PDE1C: variants seen among roughly 807,000 people sequenced by gnomAD.
The protein encoded by PDE1C is dual specificity calcium/calmodulin-dependent 3',5'-cyclic nucleotide phosphodiesterase 1C.
A neutral mutation model predicts 93.1 loss-of-function variants in PDE1C; 62 were observed. The observed-to-expected ratio is 0.67, with a 90% CI of 0.54 to 0.82. The LOEUF (loss-of-function observed/expected upper bound fraction) is 0.82. PDE1C is among the 40% of genes least tolerant of loss of function. The pLI, the probability that PDE1C is intolerant of heterozygous loss-of-function variation, is 0.00. For synonymous variants in PDE1C, 325 were observed against 310.1 expected, an observed-to-expected ratio of 1.05 and a Z score of -0.50; for missense variants, 742 against 884.6, an observed-to-expected ratio of 0.84 and a Z score of 2.04.
chr7:32,202,328 C>G (rs1419301064), intron 2 of PDE1C, among the ~76,000 whole-genome samples: 2 of 152,274 alleles, frequency 1.3e-5, no homozygotes, highest in South Asian at 4.1e-4. Flanking sequence ...CTGCCCCTTA[C>G]CCCCATACAC....
At chr7:31,735,385 T>G in the PDE1C span, among the ~76,000 whole-genome samples, 3 of 144,704 alleles carry the variant, frequency 2.1e-5, no homozygotes, top group South Asian at 2.2e-4. Context: ...GCAACAAGAG[T>G]GAAACTCTGT....
At chr7:31,813,771 G>A (rs915415357) in intron 15 of PDE1C, among the ~76,000 whole-genome samples, 4 of 151,882 alleles carry the variant, frequency 2.6e-5, no homozygotes, top group Non-Finnish European at 5.9e-5. Context: ...AGCGGTATAC[G>A]CTGAACCCAA....
At chr7:32,278,027 C>T (rs1811393134) in intron 1 of PDE1C, among the ~76,000 whole-genome samples, 1 of 146,724 alleles carries the variant, frequency 6.8e-6, no homozygotes, top group Non-Finnish European at 1.5e-5. Flanking sequence ...GGGAGCAGTG[C>T]ATACCAATAT....
the PDE1C span, among the ~76,000 whole-genome samples, chr7:31,654,964 G>T: frequency 6.6e-6 from 1 of 152,014 alleles, no homozygotes; most frequent in Non-Finnish European, 1.5e-5. Context: ...TTTTCCCATG[G>T]ACTTAACATT....
intron 1 of PDE1C, among the ~76,000 whole-genome samples, chr7:32,297,175 G>A (rs1272823891): frequency 6.6e-6 from 1 of 152,092 alleles, no homozygotes; most frequent in Non-Finnish European, 1.5e-5. Context: ...TTTGGAGAAG[G>A]GCAAGTGTTC....
chr7:31,712,200 A>C, the PDE1C span, among the ~76,000 whole-genome samples: 92 of 152,344 alleles, frequency 6.0e-4, 1 homozygote, highest in Middle Eastern at 0.01. Flanking sequence ...CAGGGATATC[A>C]ACTGGTTTTG....
chr7:32,265,242 C>A (rs1387701741), intron 1 of PDE1C, among the ~76,000 whole-genome samples: 1 of 152,146 alleles, frequency 6.6e-6, no homozygotes, highest in Non-Finnish European at 1.5e-5. Flanking sequence ...AGTGCACATA[C>A]AATCTCTCTC....
intron 10 of PDE1C, 133 bp downstream of exon 10, chr7:31,837,737 C>T: frequency 1.6e-6 from 1 of 615,190 alleles, no homozygotes. Flanking sequence ...CTTTCTCCTT[C>T]AAACATAATC....
chr7:32,074,268 G>C (rs1399736170), upstream of PDE1C, among the ~76,000 whole-genome samples: 1 of 152,026 alleles, frequency 6.6e-6, no homozygotes, highest in Non-Finnish European at 1.5e-5. Context: ...TGACCCCCCT[G>C]GTCTCTTTCA....
At chr7:31,809,953 C>T (rs187244034) in intron 15 of PDE1C, among the ~76,000 whole-genome samples, 57 of 152,196 alleles carry the variant, frequency 3.7e-4, no homozygotes, top group Non-Finnish European at 6.5e-4. Flanking sequence ...TGCCCACCAT[C>T]GATTATGGCA....
At chr7:31,947,268 A>T (rs1806745843) in intron 2 of PDE1C, among the ~76,000 whole-genome samples, 1 of 152,180 alleles carries the variant, frequency 6.6e-6, no homozygotes, top group Non-Finnish European at 1.5e-5. Context: ...TAGCTTGGAG[A>T]GTAATCCACT....
At chr7:32,148,618 T>C (rs983250875) in intron 3 of PDE1C, among the ~76,000 whole-genome samples, 2 of 152,182 alleles carry the variant, frequency 1.3e-5, no homozygotes, top group Non-Finnish European at 2.9e-5. Context: ...TTCAGTCCCT[T>C]TGTGACACTG....
chr7:31,707,344 G>GA, the PDE1C span: 618 of 1,386,348 alleles, frequency 4.5e-4, 1 homozygote, highest in Admixed American at 2.4e-4. Context: ...GTGACCTAGA[G>GA]AAAAAATAGA....
the PDE1C span, among the ~76,000 whole-genome samples, chr7:31,657,660 G>A: frequency 7.5e-4 from 114 of 151,976 alleles, no homozygotes; most frequent in African/African-American, 2.5e-3. Context: ...CCATTATCAA[G>A]TCCCAAGATC....
chr7:31,816,229 T>C, intron 14 of PDE1C, 75 bp from the exon 15 acceptor site: 1 of 1,351,150 alleles, frequency 7.4e-7, no homozygotes. Flanking sequence ...TGGCCTGTTT[T>C]AGTACACAAA....
In PDE1C at chr7:31,873,891, G is replaced by A. The variant is rs542449435; in HGVS notation, c.493-483C>T. On this transcript the variant is annotated intron_variant, in intron 5 of 17. Transcript: ENST00000396191. ...TACTGTTTAATTCACTACAGCCTAC[G>A]ATGCTTCTCTTCTCTGAACTTCTCT... Among the ~76,000 whole-genome samples, 396 of 152,264 alleles carry A rather than the reference G, an allele frequency of 2.6e-3. 4 individuals are homozygous for A. Among genetic ancestry groups the A allele is most frequent in the African/African-American group, 9.1e-3 (380 of 41,542 alleles).
chr7:31,619,261 T>G, the PDE1C span, among the ~76,000 whole-genome samples: 44 of 152,284 alleles, frequency 2.9e-4, no homozygotes, highest in East Asian at 8.3e-3. Context: ...TGACTAGATT[T>G]CTGGGTAAAC....
intron 1 of PDE1C, among the ~76,000 whole-genome samples, chr7:32,385,141 G>A (rs1166682370): frequency 6.6e-6 from 1 of 152,210 alleles, no homozygotes; most frequent in Non-Finnish European, 1.5e-5. Flanking sequence ...AACGAAGGTG[G>A]CATTCATCAA....
chr7:31,621,539 T>C, the PDE1C span, among the ~76,000 whole-genome samples: 2 of 147,696 alleles, frequency 1.4e-5, no homozygotes, highest in Non-Finnish European at 3.0e-5. Flanking sequence ...TAAAATACTT[T>C]GCAGACAAGC....
Sources: gnomAD v4.1 joint callset for allele counts (sites outside exome capture counted in the v4.1 genomes callset) on GRCh38, gnomAD v4.1.1 for gene constraint, MANE v1.5 for transcripts, NCBI Gene and HGNC (gene_info 2026-07-23, HGNC 2026-07-21) for gene names.